RECK: variants seen among roughly 807,000 people sequenced by gnomAD.
The protein encoded by RECK is reversion inducing cysteine rich protein with kazal motifs.
RECK carries 69 observed loss-of-function variants against 115.1 expected under a neutral mutation model. The ratio of observed to expected loss-of-function variants is 0.60; its 90% confidence interval spans 0.49 to 0.73. RECK has a LOEUF of 0.73. RECK is among the 30% of genes least tolerant of loss of function. The pLI is 0.00. For missense variants in RECK, 1,047 were observed against 1,203.7 expected (o/e 0.87, Z 1.93); for synonymous variants, 414 against 419.7 (o/e 0.99, Z 0.17).
chr9:36,106,918 C>T (rs984886197), intron 13 of RECK, among the ~76,000 whole-genome samples: 56 of 150,922 alleles, frequency 3.7e-4, no homozygotes, highest in African/African-American at 1.2e-3. Context: ...TCCTGACTAA[C>T]GCGGTGAAAC....
intron 19 of RECK, among the ~76,000 whole-genome samples, chr9:36,121,029 G>C (rs988739650): frequency 2.6e-5 from 4 of 152,204 alleles, no homozygotes; most frequent in Non-Finnish European, 5.9e-5. Flanking sequence ...GGGGCTGCAG[G>C]CAGAGCCAGG....
chr9:36,098,736 G>A (rs1157286092), intron 10 of RECK, among the ~76,000 whole-genome samples: 1 of 152,132 alleles, frequency 6.6e-6, no homozygotes, highest in Admixed American at 6.5e-5. Flanking sequence ...ATATAACATT[G>A]TGGTGCATCC....
At position 36,123,638 on chromosome 9, in the gene RECK, T is replaced by C. The variant is rs1051148123; in HGVS notation, c.*593T>C. The C allele has an allele frequency of 6.6e-6, 1 of 152,314 alleles. No homozygotes were observed. The highest frequency in any genetic ancestry group is 1.5e-5 in the Non-Finnish European group (1 of 68,086). 9.4% of individuals were successfully genotyped at this position (152,314 alleles called of 1,614,324 possible). On this transcript the variant is annotated 3_prime_UTR_variant, in exon 21 of 21. Coordinates refer to ENST00000377966, the MANE Select transcript of RECK (RefSeq NM_021111.3). The stretch of plus-strand genomic sequence containing the variant: ...ATTCAGAACCCCAACTACTGTGTTA[T>C]GCAAAAGCAAGCTGATTAAATGACA...
chr9:36,062,964 A>G (rs898129671), intron 4 of RECK, among the ~76,000 whole-genome samples: 22 of 151,900 alleles, frequency 1.4e-4, no homozygotes, highest in Admixed American at 1.4e-3. Flanking sequence ...GTGAAATCCC[A>G]TCTCTACTAA....
At chr9:36,037,822 A>G (rs1820728156) in intron 1 of RECK, among the ~76,000 whole-genome samples, 1 of 152,008 alleles carries the variant, frequency 6.6e-6, no homozygotes, top group African/African-American at 2.4e-5. Flanking sequence ...CAAGGCAGAA[A>G]TGTCCAGAGG....
At chr9:36,073,231 G>GACACACAAACACACACACAC (rs1822307689) in intron 6 of RECK, among the ~76,000 whole-genome samples, 1 of 94,908 alleles carries the variant, frequency 1.1e-5, no homozygotes, top group Admixed American at 1.0e-4. Flanking sequence ...GACACACACA[G>GACACACAAACACACACACAC]ACACACACAG....
In RECK at chr9:36,094,423, T is replaced by C. The variant is rs1344786402; in HGVS notation, c.1085+3080T>C. 6.6e-6 allele frequency among the ~76,000 whole-genome samples: 1 copy of C among 152,112 alleles called. No homozygotes were observed. Among genetic ancestry groups the C allele is most frequent in the Non-Finnish European group, 1.5e-5 (1 of 67,992 alleles). The stretch of plus-strand genomic sequence containing the variant: ...AAAACTATAATAAATAATGGACATA[T>C]ATTATGCCTAGAGCAACCACTAATT... On this transcript the variant is annotated intron_variant, in intron 10 of 20. Transcript: ENST00000377966. The surrounding 1 kb of genome is among the most constrained non-coding windows in gnomAD (Gnocchi z 4.1).
At chr9:36,098,159 A>G (rs1368900629) in intron 10 of RECK, among the ~76,000 whole-genome samples, 1 of 152,214 alleles carries the variant, frequency 6.6e-6, no homozygotes, top group African/African-American at 2.4e-5. Context: ...ACAATGTGGT[A>G]ACTATAGTTA....
At chr9:36,077,732 C>T (rs1478578099) in intron 6 of RECK, among the ~76,000 whole-genome samples, 1 of 152,134 alleles carries the variant, frequency 6.6e-6, no homozygotes, top group Non-Finnish European at 1.5e-5. Flanking sequence ...ATAAGAGATG[C>T]TTGAAGAACA....
chr9:36,123,089 G>A lies in RECK; in HGVS notation c.*44G>A, dbSNP rs754030987. ...GAATGCTCCTCCACCTCACTCTCCT[G>A]CCTTGAAAAAGACATTCAGGACTGC... is the stretch of plus-strand genomic sequence containing the variant. On this transcript the variant is annotated 3_prime_UTR_variant, in exon 21 of 21. Transcript: ENST00000377966. The A allele has an allele frequency of 2.7e-6, 4 of 1,502,482 alleles. No individual in the cohort carries two copies. The highest frequency in any genetic ancestry group is 3.7e-6 in the Non-Finnish European group (4 of 1,094,854). 93.1% of individuals were successfully genotyped at this position (1,502,482 alleles called of 1,614,324 possible).
intron 1 of RECK, among the ~76,000 whole-genome samples, chr9:36,039,136 A>T (rs1820775504): frequency 6.7e-6 from 1 of 149,960 alleles, no homozygotes; most frequent in Admixed American, 6.6e-5. Flanking sequence ...CTAAAAGTTC[A>T]TGACAACATA....
At chr9:36,070,017 A>G (rs1487359931) in intron 6 of RECK, among the ~76,000 whole-genome samples, 1 of 152,208 alleles carries the variant, frequency 6.6e-6, no homozygotes, top group Non-Finnish European at 1.5e-5. Flanking sequence ...AAGAAAGGCA[A>G]AATTAAGCTA....
intron 14 of RECK, among the ~76,000 whole-genome samples, chr9:36,108,771 T>G (rs1456223780): frequency 6.6e-6 from 1 of 151,946 alleles, no homozygotes; most frequent in Non-Finnish European, 1.5e-5. Context: ...TTGACCACCT[T>G]CCCTAAAAAT....
intron 2 of RECK, among the ~76,000 whole-genome samples, chr9:36,057,395 C>G (rs959338904): frequency 6.6e-5 from 10 of 152,086 alleles, no homozygotes; most frequent in African/African-American, 2.4e-4. Context: ...GGTTTCTCCA[C>G]TTTTTTTGGT....
intron 1 of RECK, among the ~76,000 whole-genome samples, chr9:36,042,227 C>T (rs570619625): frequency 3.9e-5 from 6 of 152,108 alleles, no homozygotes; most frequent in Non-Finnish European, 2.9e-5. Flanking sequence ...CTGCTGCCAC[C>T]GAGTCCCCAA....
intron 13 of RECK, among the ~76,000 whole-genome samples, chr9:36,107,149 T>C (rs1213321506): frequency 6.6e-6 from 1 of 151,390 alleles, no homozygotes. Context: ...AGAATCCTCT[T>C]GTTTCATTAA....
Position 36,121,429 on chromosome 9 carries a change from G to T in RECK, c.2539-104G>T, listed in dbSNP as rs1824454441. The T allele has an allele frequency of 3.7e-6, 4 of 1,081,376 alleles. No homozygotes were observed. In the South Asian group the frequency reaches 6.1e-5, roughly 17 times the overall value. 67.0% of individuals were successfully genotyped at this position (1,081,376 alleles called of 1,614,324 possible). A position where few individuals can be genotyped will look rare whatever the true frequency, so the allele number is the denominator to read the frequency against. ...GCGGTTGGGCCTTCCGCTGAGGGCTGTGCGGTCAAAAGAGCCTCCTCAGCT... is the reference window on the plus strand; with the variant it reads ...GCGGTTGGGCCTTCCGCTGAGGGCTTTGCGGTCAAAAGAGCCTCCTCAGCT... On this transcript the variant is annotated intron_variant, in intron 19 of 20. Transcript: ENST00000377966.
intron 13 of RECK, among the ~76,000 whole-genome samples, chr9:36,106,176 C>T (rs1348236348): frequency 6.2e-5 from 9 of 145,014 alleles, no homozygotes; most frequent in Non-Finnish European, 1.1e-4. Flanking sequence ...CGCCACTGCA[C>T]TCCAGCCTGC....
At chr9:36,084,818 G>A (rs115146917) in intron 8 of RECK, among the ~76,000 whole-genome samples, 3,726 of 152,216 alleles carry the variant, frequency 0.024, 160 homozygotes, top group African/African-American at 0.086. Context: ...ACTGTGGGAG[G>A]CCTAGATGGG....
Sources: allele counts gnomAD v4.1 joint callset (sites outside exome capture counted in the v4.1 genomes callset), GRCh38; gene constraint gnomAD v4.1.1; non-coding constraint Gnocchi (gnomAD v3.1); transcripts MANE v1.5; gene names NCBI Gene and HGNC (gene_info 2026-07-23, HGNC 2026-07-21).